Variants in ARHGAP10 observed in about 807,000 individuals in gnomAD.
ARHGAP10 encodes rho GTPase-activating protein 10.
Under a neutral mutation model 108.6 loss-of-function variants are expected in ARHGAP10, and 87 were observed. That is an observed-to-expected ratio of 0.80 (90% CI 0.67 to 0.96). The LOEUF is 0.96. ARHGAP10 is among the 40% of genes least tolerant of loss of function. The pLI is 0.00. For synonymous variants in ARHGAP10, 347 were observed against 341.1 expected (o/e 1.02, Z -0.19); for missense variants, 939 against 954.5 (o/e 0.98, Z 0.21).
chr4:147,946,677 T>A lies in ARHGAP10; in HGVS notation c.1364T>A (p.Ile455Lys). 1.2e-6 allele frequency: 2 copies of A among 1,611,858 alleles called. No individual in the cohort carries two copies. The highest frequency in any genetic ancestry group is 1.7e-6 in the Non-Finnish European group (2 of 1,179,340). The change falls in exon 15 of 23, where the codon ATA becomes AAA. Residue 455 changes from isoleucine to lysine, a missense_variant. Transcript: ENST00000336498. ...TCTGCAGATTGGGAAGTGAAGACAA[T>A]AACAAGTGCCTTGAAACAGTATTTG... ...ENSADWEVKT[I>K]TSALKQYLRS...
At chr4:148,009,819 T>C (rs1741101289) in intron 18 of ARHGAP10, among the ~76,000 whole-genome samples, 1 of 152,178 alleles carries the variant, frequency 6.6e-6, no homozygotes, top group South Asian at 2.1e-4. Context: ...GTGTTTGAAA[T>C]TGCCTTTGGC....
chr4:147,785,249 A>T lies in ARHGAP10; in HGVS notation c.155-37478A>T, dbSNP rs563458683. ...CACAAGGCTGTAGTTTTGCTTTTAG[A>T]TTTCCCAGTTTTCAAGTGATGGCTT... is the stretch of plus-strand genomic sequence containing the variant. On this transcript the variant is annotated intron_variant, in intron 1 of 22. Transcript: ENST00000336498. Among the ~76,000 whole-genome samples, 17 of 151,964 alleles carry T rather than the reference A, an allele frequency of 1.1e-4. No individual in the cohort carries two copies. In the South Asian group the frequency reaches 2.9e-3, roughly 26 times the overall value.
At chr4:147,741,315 C>G (rs1446584403) in intron 1 of ARHGAP10, among the ~76,000 whole-genome samples, 1 of 152,118 alleles carries the variant, frequency 6.6e-6, no homozygotes, top group Admixed American at 6.6e-5. Flanking sequence ...AACCCATTTT[C>G]TTTTTGGTAT....
At chr4:147,897,815 A>T (rs1292961529) in intron 10 of ARHGAP10, among the ~76,000 whole-genome samples, 1 of 152,196 alleles carries the variant, frequency 6.6e-6, no homozygotes, top group East Asian at 1.9e-4. Flanking sequence ...GTTTATTTAC[A>T]TACAGGTATA....
intron 1 of ARHGAP10, among the ~76,000 whole-genome samples, chr4:147,771,876 C>T (rs1730097645): frequency 6.6e-6 from 1 of 152,166 alleles, no homozygotes. Flanking sequence ...ACTGCAACCT[C>T]CACCTCCCAG....
intron 20 of ARHGAP10, among the ~76,000 whole-genome samples, chr4:148,059,462 G>T (rs551315387): frequency 6.6e-6 from 1 of 152,082 alleles, no homozygotes; most frequent in South Asian, 2.1e-4. Context: ...AGAAAAAAAG[G>T]CAATAAATAG....
At chr4:147,977,576 G>T (rs1392994658) in intron 18 of ARHGAP10, among the ~76,000 whole-genome samples, 1 of 152,164 alleles carries the variant, frequency 6.6e-6, no homozygotes, top group African/African-American at 2.4e-5. Flanking sequence ...TCCATAGACA[G>T]TTTAGTATAA....
At chr4:148,064,800 G>T (rs1729792340) in intron 22 of ARHGAP10, among the ~76,000 whole-genome samples, 1 of 152,268 alleles carries the variant, frequency 6.6e-6, no homozygotes, top group South Asian at 2.1e-4. Context: ...GTGTCACTTG[G>T]ACTTAAGAAA....
intron 3 of ARHGAP10, among the ~76,000 whole-genome samples, chr4:147,825,509 C>T (rs972965560): frequency 9.9e-5 from 15 of 151,890 alleles, no homozygotes; most frequent in Non-Finnish European, 2.2e-4. Context: ...GCACTCATTC[C>T]TAAATTTTGA....
At position 147,857,594 on chromosome 4, in the gene ARHGAP10, T is replaced by C. The variant is rs1163856154; in HGVS notation, c.426T>C (p.Tyr142=). Residue 142 remains tyrosine, a synonymous_variant, in exon 5 of 23, where the codon TAT becomes TAC. Transcript: ENST00000336498. ...TTGACAAAGAGACAGAAAAGAATTA[T>C]AGTCTAATTGATAAACATTTGAATT... ...KKFDKETEKN[Y]SLIDKHLNLS... The C allele has an allele frequency of 6.7e-7, 1 of 1,487,432 alleles. No individual in the cohort carries two copies. Among genetic ancestry groups the C allele is most frequent in the Non-Finnish European group, 8.9e-7 (1 of 1,120,926 alleles). 92.1% of individuals were successfully genotyped at this position (1,487,432 alleles called of 1,614,324 possible).
At chr4:148,000,977 T>A (rs1054463298) in intron 18 of ARHGAP10, among the ~76,000 whole-genome samples, 1 of 152,214 alleles carries the variant, frequency 6.6e-6, no homozygotes, top group Non-Finnish European at 1.5e-5. Context: ...TTGCTTTTGG[T>A]GTTTTAGACA....
intron 18 of ARHGAP10, among the ~76,000 whole-genome samples, chr4:147,989,526 C>G (rs571992886): frequency 2.0e-5 from 3 of 152,270 alleles, no homozygotes; most frequent in African/African-American, 7.2e-5. Flanking sequence ...GAGACCTACC[C>G]CTAGGTGCGC....
At chr4:147,793,478 T>G (rs1731201480) in intron 1 of ARHGAP10, among the ~76,000 whole-genome samples, 1 of 152,126 alleles carries the variant, frequency 6.6e-6, no homozygotes, top group African/African-American at 2.4e-5. Flanking sequence ...AACAGTTATA[T>G]CTAGAAAAAG....
At chr4:147,767,242 T>C (rs1310253772) in intron 1 of ARHGAP10, among the ~76,000 whole-genome samples, 1 of 152,208 alleles carries the variant, frequency 6.6e-6, no homozygotes, top group Non-Finnish European at 1.5e-5. Flanking sequence ...CCAGGGCCTC[T>C]CTTCTCAAAG....
intron 1 of ARHGAP10, among the ~76,000 whole-genome samples, chr4:147,818,344 T>A (rs773883176): frequency 1.4e-4 from 21 of 151,954 alleles, no homozygotes; most frequent in Admixed American, 2.6e-4. Context: ...GGCAGGTGGA[T>A]CACCTGAGGT....
At chr4:148,047,366 G>T (rs1728936314) in intron 20 of ARHGAP10, among the ~76,000 whole-genome samples, 1 of 152,216 alleles carries the variant, frequency 6.6e-6, no homozygotes, top group Non-Finnish European at 1.5e-5. Flanking sequence ...CACTAGTTAT[G>T]CAAACTTTAG....
At chr4:148,062,179 G>C (rs935474580) in intron 20 of ARHGAP10, among the ~76,000 whole-genome samples, 6 of 152,230 alleles carry the variant, frequency 3.9e-5, no homozygotes, top group Non-Finnish European at 8.8e-5. Context: ...AGGTTGCTGA[G>C]TGTCACCGTG....
chr4:147,985,903 T>C (rs1740027540), intron 18 of ARHGAP10, among the ~76,000 whole-genome samples: 1 of 152,176 alleles, frequency 6.6e-6, no homozygotes, highest in East Asian at 1.9e-4. Context: ...GCCTCTTATG[T>C]ATTGAGGCTT....
intron 19 of ARHGAP10, among the ~76,000 whole-genome samples, chr4:148,024,002 G>A (rs144299187): frequency 2.0e-5 from 3 of 152,332 alleles, no homozygotes; most frequent in East Asian, 3.9e-4. Context: ...TCAGCTAATC[G>A]TTGCCACGTG....
Sources: gnomAD v4.1 joint callset for allele counts (sites outside exome capture counted in the v4.1 genomes callset) on GRCh38, gnomAD v4.1.1 for gene constraint, MANE v1.5 for transcripts, NCBI Gene and HGNC (gene_info 2026-07-23, HGNC 2026-07-21) for gene names.